The following ESR1 variants were observed in gnomAD, a reference collection of about 807,000 sequenced individuals.
ESR1 encodes the protein estrogen receptor 1, also known as estrogen receptor.
Under a neutral mutation model 52.7 loss-of-function variants are expected in ESR1, and 12 were observed. The observed-to-expected ratio is 0.23, with a 90% CI of 0.15 to 0.37. ESR1 has a LOEUF of 0.37. ESR1 is among the 10% of genes least tolerant of loss of function. ESR1 has a pLI of 1.00. For missense variants in ESR1, 584 were observed against 779.7 expected (o/e 0.75, Z 2.99); for synonymous variants, 305 against 316.8 (o/e 0.96, Z 0.39).
At chr6:151,840,867 A>T (rs1370977521) in intron 1 of ESR1, among the ~76,000 whole-genome samples, 4 of 152,150 alleles carry the variant, frequency 2.6e-5, no homozygotes, top group Non-Finnish European at 5.9e-5. Context: ...CACTCTCTCC[A>T]TTCATTTAAA....
intron 3 of ESR1, among the ~76,000 whole-genome samples, chr6:151,916,357 A>C (rs1165506203): frequency 6.6e-6 from 1 of 152,236 alleles, no homozygotes; most frequent in African/African-American, 2.4e-5. Flanking sequence ...TACATGAAAC[A>C]TTCATCGATT....
chr6:152,009,840 A>G (rs1365821427), intron 4 of ESR1, among the ~76,000 whole-genome samples: 1 of 152,166 alleles, frequency 6.6e-6, no homozygotes, highest in African/African-American at 2.4e-5. Context: ...CAAATGTCCA[A>G]TGAAAGGATA....
At chr6:151,973,384 A>G (rs961628422) in intron 4 of ESR1, among the ~76,000 whole-genome samples, 1 of 152,170 alleles carries the variant, frequency 6.6e-6, no homozygotes, top group African/African-American at 2.4e-5. Context: ...CACACAAGCT[A>G]AAGAATACAA....
chr6:151,885,663 A>G (rs1012561922), intron 3 of ESR1, among the ~76,000 whole-genome samples: 3 of 152,116 alleles, frequency 2.0e-5, no homozygotes, highest in African/African-American at 4.8e-5. Flanking sequence ...TCAGGAGTTC[A>G]AGACCAGCCT....
intron 6 of ESR1, among the ~76,000 whole-genome samples, chr6:152,093,008 G>C (rs758048586): frequency 6.6e-6 from 1 of 152,184 alleles, no homozygotes; most frequent in Non-Finnish European, 1.5e-5. Context: ...GTGGGGTGTG[G>C]TGGCTCACGC....
At chr6:151,664,704 A>G (rs1373589701) in intron 1 of ESR1, among the ~76,000 whole-genome samples, 2 of 152,198 alleles carry the variant, frequency 1.3e-5, no homozygotes, top group African/African-American at 4.8e-5. Context: ...AGTAATCTAA[A>G]TTTCCCTATT....
At chr6:151,842,900 C>T in intron 2 of ESR1, 113 bp downstream of exon 2, 1 of 840,350 alleles carries the variant, frequency 1.2e-6, no homozygotes, top group East Asian at 2.6e-5. Context: ...AACATGAATC[C>T]CTAGTAGGTC....
chr6:151,689,989 A>G (rs1778838637), upstream of ESR1, among the ~76,000 whole-genome samples: 1 of 152,218 alleles, frequency 6.6e-6, no homozygotes, highest in Non-Finnish European at 1.5e-5. Flanking sequence ...TGGAAGGATC[A>G]TATGACAGAA....
intron 5 of ESR1, among the ~76,000 whole-genome samples, chr6:152,060,096 C>T (rs893167396): frequency 4.6e-5 from 7 of 152,096 alleles, no homozygotes; most frequent in African/African-American, 1.4e-4. Context: ...GAATTCCTTT[C>T]GTGTGTAGTA....
intron 4 of ESR1, among the ~76,000 whole-genome samples, chr6:151,950,218 A>T (rs1419036517): frequency 7.2e-5 from 11 of 152,092 alleles, no homozygotes. Flanking sequence ...CTACTCTGGG[A>T]TGTGTCTTTA....
At chr6:152,002,794 CT>C (rs1268762954) in intron 4 of ESR1, among the ~76,000 whole-genome samples, 1 of 151,958 alleles carries the variant, frequency 6.6e-6, no homozygotes, top group East Asian at 1.9e-4. Context: ...ATACAATTGC[CT>C]TTGCTGAACA....
intron 3 of ESR1, among the ~76,000 whole-genome samples, chr6:151,926,228 A>G (rs1490608218): frequency 2.0e-5 from 3 of 152,110 alleles, no homozygotes; most frequent in African/African-American, 7.2e-5. Flanking sequence ...TACTGCCTTT[A>G]TTACTGTAGC....
chr6:151,937,586 A>T (rs2034514469), intron 3 of ESR1, among the ~76,000 whole-genome samples: 1 of 152,210 alleles, frequency 6.6e-6, no homozygotes, highest in African/African-American at 2.4e-5. Context: ...CTTAGTAGTT[A>T]AGGTGAGTTT....
intron 3 of ESR1, among the ~76,000 whole-genome samples, chr6:151,891,280 G>A (rs1794664086): frequency 6.6e-6 from 1 of 152,136 alleles, no homozygotes; most frequent in Non-Finnish European, 1.5e-5. Context: ...AAGAAATGCT[G>A]GCAGTGACTC....
intron 2 of ESR1, among the ~76,000 whole-genome samples, chr6:151,848,783 AT>A (rs1390357021): frequency 6.6e-6 from 1 of 152,064 alleles, no homozygotes; most frequent in East Asian, 1.9e-4. Flanking sequence ...CAGGAGAGAT[AT>A]TTTAGATATA....
intron 2 of ESR1, among the ~76,000 whole-genome samples, chr6:151,799,076 A>G (rs1182886648): frequency 3.9e-5 from 6 of 152,228 alleles, no homozygotes; most frequent in African/African-American, 1.4e-4. Flanking sequence ...ATAGTTCATT[A>G]AGCCACCAAT....
intron 3 of ESR1, among the ~76,000 whole-genome samples, chr6:151,910,401 A>G (rs950480091): frequency 6.6e-6 from 1 of 152,210 alleles, no homozygotes; most frequent in Non-Finnish European, 1.5e-5. Flanking sequence ...ACAAAGCCCA[A>G]ATGGGCCTGT....
chr6:151,678,515 A>T (rs1324395724), intron 1 of ESR1, among the ~76,000 whole-genome samples: 2 of 151,942 alleles, frequency 1.3e-5, no homozygotes, highest in Admixed American at 1.3e-4. Flanking sequence ...CTCCCCAAAA[A>T]TCGGAACATC....
rs537285808 is a variant in ESR1, at chr6:151,821,085, C to T, written c.452+12721C>T. ...AAAGTCTAGAAAGGTGAAGGAACTTCCCCCAAAGTTTCCCAGCTGGTAGAG... is the reference window on the plus strand; with the variant it reads ...AAAGTCTAGAAAGGTGAAGGAACTTTCCCCAAAGTTTCCCAGCTGGTAGAG... On this transcript the variant is annotated intron_variant, in intron 1 of 7. Transcript: ENST00000206249. Among the ~76,000 whole-genome samples, 365 of 152,100 alleles carry T rather than the reference C, an allele frequency of 2.4e-3. 2 individuals are homozygous for T. The highest frequency in any genetic ancestry group is 5.4e-3 in the South Asian group (26 of 4,798).
Sources: gnomAD v4.1 joint callset for allele counts (sites outside exome capture counted in the v4.1 genomes callset) on GRCh38, gnomAD v4.1.1 for gene constraint, MANE v1.5 for transcripts, NCBI Gene and HGNC (gene_info 2026-07-23, HGNC 2026-07-21) for gene names.